The following DAPP1 variants were observed in gnomAD, a reference collection of about 807,000 sequenced individuals.
The protein encoded by DAPP1 is dual adapter for phosphotyrosine and 3-phosphotyrosine and 3-phosphoinositide.
DAPP1 carries 20 observed loss-of-function variants against 41.5 expected under a neutral mutation model. The ratio of observed to expected loss-of-function variants is 0.48; its 90% confidence interval spans 0.34 to 0.70. The LOEUF is 0.70. Among genes scored for constraint, DAPP1 ranks in the 30% least tolerant of loss-of-function variants. The pLI is 0.01. For missense variants in DAPP1, 233 were observed against 333.4 expected, an observed-to-expected ratio of 0.70 and a Z score of 2.35; for synonymous variants, 113 against 116.2, an observed-to-expected ratio of 0.97 and a Z score of 0.18.
At chr4:99,845,244 A>C (rs938107829) in intron 3 of DAPP1, among the ~76,000 whole-genome samples, 2 of 152,198 alleles carry the variant, frequency 1.3e-5, no homozygotes, top group African/African-American at 2.4e-5. Flanking sequence ...ATCTGGGCTA[A>C]TCTGGTTCTA....
chr4:99,838,858 A>G (rs528168333), intron 2 of DAPP1, among the ~76,000 whole-genome samples: 1 of 152,352 alleles, frequency 6.6e-6, no homozygotes, highest in Non-Finnish European at 1.5e-5. Context: ...AACATAAAAG[A>G]AAGCAAGATA....
At chr4:99,834,922 G>C (rs933113382) in intron 1 of DAPP1, among the ~76,000 whole-genome samples, 10 of 151,960 alleles carry the variant, frequency 6.6e-5, no homozygotes, top group African/African-American at 2.2e-4. Context: ...TTCATGCGCT[G>C]TTCTCCCTGT....
intron 4 of DAPP1, among the ~76,000 whole-genome samples, chr4:99,861,041 T>C (rs1299358383): frequency 6.6e-6 from 1 of 152,208 alleles, no homozygotes; most frequent in Admixed American, 6.5e-5. Flanking sequence ...GTCTGTTTTT[T>C]GGAACATGGA....
At chr4:99,872,117 T>C (rs540087227), downstream of DAPP1, among the ~76,000 whole-genome samples, 116 of 152,308 alleles carry the variant, frequency 7.6e-4, no homozygotes, top group African/African-American at 2.7e-3. Flanking sequence ...TCCAGAAATA[T>C]CTGGGAGGCA....
In DAPP1 at chr4:99,861,638, G is replaced by A. The variant is rs1291694899; in HGVS notation, c.537+13G>A. The A allele has an allele frequency of 1.9e-6, 3 of 1,568,090 alleles. No individual in the cohort carries two copies. The highest frequency in any genetic ancestry group is 2.6e-6 in the Non-Finnish European group (3 of 1,155,652). On this transcript the variant is annotated intron_variant, in intron 5 of 8. Coordinates refer to ENST00000512369, the MANE Select transcript of DAPP1 (RefSeq NM_014395.3). ...AGGCCTGGTCAAGGTAAGGAAGTGTGGTTTTGCTCATGCCAGCCACAGAAA... is the reference window on the plus strand; with the variant it reads ...AGGCCTGGTCAAGGTAAGGAAGTGTAGTTTTGCTCATGCCAGCCACAGAAA...
intron 3 of DAPP1, among the ~76,000 whole-genome samples, chr4:99,849,436 TAG>T (rs2110155016): frequency 6.6e-6 from 1 of 152,224 alleles, no homozygotes; most frequent in African/African-American, 2.4e-5. Flanking sequence ...TATCAAGTGG[TAG>T]GGATACAAAG....
At chr4:99,870,536 T>C (rs377352955), downstream of DAPP1, among the ~76,000 whole-genome samples, 3 of 152,212 alleles carry the variant, frequency 2.0e-5, no homozygotes, top group East Asian at 3.8e-4. Context: ...CTAGGTGTTT[T>C]GCCTGCCCTC....
chr4:99,818,810 A>G (rs570776948), intron 1 of DAPP1, among the ~76,000 whole-genome samples: 1 of 152,302 alleles, frequency 6.6e-6, no homozygotes, highest in Admixed American at 6.5e-5. Context: ...AAACTGCTCT[A>G]CAGTCCTGGT....
At chr4:99,841,073 T>G (rs1723479068) in intron 3 of DAPP1, among the ~76,000 whole-genome samples, 1 of 152,228 alleles carries the variant, frequency 6.6e-6, no homozygotes, top group Non-Finnish European at 1.5e-5. Flanking sequence ...TAAAATATCA[T>G]CCCTGTATTT....
chr4:99,839,360 T>C (rs959273642), intron 2 of DAPP1, among the ~76,000 whole-genome samples: 3 of 140,106 alleles, frequency 2.1e-5, no homozygotes, highest in Non-Finnish European at 3.1e-5. Flanking sequence ...TATATATATA[T>C]AGATATATAT....
chr4:99,861,499 T>G, intron 4 of DAPP1, 79 bp from the exon 5 acceptor site: 1 of 1,403,048 alleles, frequency 7.1e-7, no homozygotes, highest in East Asian at 2.5e-5. Context: ...CATTCTTCAT[T>G]TAAAAATAGG....
At chr4:99,838,813 A>G (rs1723389742) in intron 2 of DAPP1, among the ~76,000 whole-genome samples, 1 of 152,246 alleles carries the variant, frequency 6.6e-6, no homozygotes, top group Non-Finnish European at 1.5e-5. Flanking sequence ...AAGACCACAT[A>G]CAAGTAACAT....
chr4:99,865,925 A>ATATAATATATTATATTATATATT (rs1265001968), intron 7 of DAPP1, 109 bp from the exon 8 acceptor site: 1 of 85,472 alleles, frequency 1.2e-5, no homozygotes, highest in African/African-American at 4.6e-5. Flanking sequence ...ATATATATAT[A>ATATAATATATTATATTATATATT]ATATATATAA....
chr4:99,870,698 A>G (rs1724610561), downstream of DAPP1, among the ~76,000 whole-genome samples: 2 of 152,170 alleles, frequency 1.3e-5, no homozygotes, highest in South Asian at 4.1e-4. Context: ...GGCTATCTGC[A>G]TTATACCCTG....
At chr4:99,862,300 G>GCATATTTA (rs1724266472) in intron 5 of DAPP1, among the ~76,000 whole-genome samples, 1 of 152,158 alleles carries the variant, frequency 6.6e-6, no homozygotes, top group Admixed American at 6.5e-5. Context: ...CATATTCATA[G>GCATATTTA]CATATTTATG....
intron 1 of DAPP1, among the ~76,000 whole-genome samples, chr4:99,832,574 G>T (rs1358993989): frequency 6.6e-6 from 1 of 152,204 alleles, no homozygotes; most frequent in Non-Finnish European, 1.5e-5. Context: ...AGGCAATATT[G>T]ACTCAGGCAA....
At chr4:99,827,392 G>T (rs1222777517) in intron 1 of DAPP1, among the ~76,000 whole-genome samples, 3 of 151,850 alleles carry the variant, frequency 2.0e-5, no homozygotes, top group African/African-American at 7.3e-5. Flanking sequence ...AATTAGCCAG[G>T]TGTGGTGGTG....
rs565197781 is a variant in DAPP1 at position 99,819,379 on chromosome 4, T to C, written c.101+2365T>C. On this transcript the variant is annotated intron_variant, in intron 1 of 8. Coordinates refer to ENST00000512369, the MANE Select transcript of DAPP1 (RefSeq NM_014395.3). ...GTATAAATACTCCCACTATAGACAA[T>C]TTCAAGCTGCCAACAATTTAACATC... Among the ~76,000 whole-genome samples the C allele has an allele frequency of 5.3e-5, 8 of 152,308 alleles. No individual in the cohort carries two copies. In the Middle Eastern group the frequency reaches 0.014, roughly 261 times the overall value.
chr4:99,869,211 G>A lies in DAPP1; in HGVS notation c.*1026G>A, dbSNP rs1000614297. 6.6e-6 allele frequency: 1 copy of A among 152,148 alleles called. No individual in the cohort carries two copies. The highest frequency in any genetic ancestry group is 6.5e-5 in the Admixed American group (1 of 15,276). The allele number at this position is 152,148 out of a possible 1,614,324, so 9.4% of individuals were successfully genotyped here. A position where few individuals can be genotyped will look rare whatever the true frequency, so the allele number is the denominator to read the frequency against. On this transcript the variant is annotated 3_prime_UTR_variant, in exon 9 of 9. Transcript: ENST00000512369. The stretch of plus-strand genomic sequence containing the variant: ...GCAACTTCTATTTCCAGTCGGGGGA[G>A]TAACACTAAAGCTACAAGAAATATG...
Sources: gnomAD v4.1 joint callset for allele counts (sites outside exome capture counted in the v4.1 genomes callset) on GRCh38, gnomAD v4.1.1 for gene constraint, MANE v1.5 for transcripts, NCBI Gene and HGNC (gene_info 2026-07-23, HGNC 2026-07-21) for gene names.